Variants in PSTPIP2 observed in about 807,000 individuals in gnomAD.
PSTPIP2 encodes proline-serine-threonine phosphatase interacting protein 2.
A neutral mutation model predicts 63.3 loss-of-function variants in PSTPIP2; 33 were observed. The ratio of observed to expected loss-of-function variants is 0.52; its 90% CI spans 0.40 to 0.70. The LOEUF is 0.70. Ranked by LOEUF, PSTPIP2 falls within the 30% of genes least tolerant of loss-of-function variation. The probability of loss-of-function intolerance (pLI) is 0.00; values close to 1 mark genes in which losing one functional copy is unlikely to be tolerated. For synonymous variants in PSTPIP2, 125 were observed against 132.7 expected, an observed-to-expected ratio of 0.94 and a Z score of 0.40; for missense variants, 312 against 400.7, an observed-to-expected ratio of 0.78 and a Z score of 1.89.
chr18:46,004,397 A>G (rs2051702971), intron 6 of PSTPIP2, among the ~76,000 whole-genome samples: 1 of 152,262 alleles, frequency 6.6e-6, no homozygotes, highest in South Asian at 2.1e-4. Context: ...CAACAGATAC[A>G]TAAAAGCTAG....
chr18:46,057,772 C>T (rs775365930), intron 1 of PSTPIP2, among the ~76,000 whole-genome samples: 31 of 151,920 alleles, frequency 2.0e-4, no homozygotes, highest in Admixed American at 1.9e-3. Flanking sequence ...CCGAGGCAGG[C>T]GGATCGTGAG....
At chr18:46,014,685 G>T (rs1215695899) in intron 4 of PSTPIP2, among the ~76,000 whole-genome samples, 1 of 152,082 alleles carries the variant, frequency 6.6e-6, no homozygotes, top group Non-Finnish European at 1.5e-5. Flanking sequence ...ACTCCAGCTT[G>T]GGTGACAGAG....
intron 1 of PSTPIP2, among the ~76,000 whole-genome samples, chr18:46,063,624 C>T (rs796809332): frequency 2.0e-4 from 30 of 151,974 alleles, no homozygotes; most frequent in African/African-American, 7.0e-4. Flanking sequence ...TACACACACA[C>T]ACACACACAC....
chr18:46,021,791 C>CA (rs1236309731), intron 3 of PSTPIP2, among the ~76,000 whole-genome samples: 1 of 102,490 alleles, frequency 9.8e-6, no homozygotes, highest in Non-Finnish European at 1.8e-5. Flanking sequence ...ACTAAAAATA[C>CA]AAAAAATTAG....
rs554685332 is a variant in PSTPIP2, at chr18:45,993,034, C to T, written c.741+571G>A. Among the ~76,000 whole-genome samples the T allele has an allele frequency of 4.6e-5, 7 of 152,238 alleles. No homozygotes were observed. The South Asian group carries it at 1.5e-3, about 32-fold the overall frequency. ...AGCCACCGTGCCCAGCCTACATTTACTATTAATTTTTTAAAGATGACAGAA... is the reference window on the plus strand; with the variant it reads ...AGCCACCGTGCCCAGCCTACATTTATTATTAATTTTTTAAAGATGACAGAA... On this transcript the variant is annotated intron_variant, in intron 10 of 14. Coordinates refer to ENST00000409746, the MANE Select transcript of PSTPIP2 (RefSeq NM_024430.4).
At chr18:46,038,505 G>C (rs1172801080) in intron 2 of PSTPIP2, among the ~76,000 whole-genome samples, 1 of 152,128 alleles carries the variant, frequency 6.6e-6, no homozygotes, top group East Asian at 1.9e-4. Flanking sequence ...GGGAGGAACA[G>C]AAAAAAGCAG....
In PSTPIP2 at chr18:46,040,010, ATGT is replaced by A. The variant is rs1394279169; in HGVS notation, c.68_70del (p.Asn23del). The A allele has an allele frequency of 6.2e-7, 1 of 1,613,182 alleles. No homozygotes were observed. Among genetic ancestry groups the A allele is most frequent in the Non-Finnish European group, 8.5e-7 (1 of 1,179,570 alleles). ...GCGGCCATTGTTCAGATGTTGGATAATGTTGTCATAGCCGATGGTGCTGAGGAT... is the reference window on the plus strand; with the variant it reads ...GCGGCCATTGTTCAGATGTTGGATAATGTCATAGCCGATGGTGCTGAGGAT... On this transcript the variant is annotated inframe_deletion, in exon 2 of 15. Coordinates refer to ENST00000409746, the MANE Select transcript of PSTPIP2 (RefSeq NM_024430.4).
chr18:46,061,396 A>C (rs968479074), intron 1 of PSTPIP2, among the ~76,000 whole-genome samples: 1 of 152,182 alleles, frequency 6.6e-6, no homozygotes, highest in Non-Finnish European at 1.5e-5. Context: ...CAAAGGAAGC[A>C]GATGAGATGG....
intron 2 of PSTPIP2, among the ~76,000 whole-genome samples, chr18:46,032,786 AAAG>A (rs1259423437): frequency 2.6e-5 from 4 of 151,540 alleles, no homozygotes; most frequent in African/African-American, 4.8e-5. Context: ...GGAAAAGAAA[AAAG>A]AAAAGGAAAG....
intron 1 of PSTPIP2, among the ~76,000 whole-genome samples, chr18:46,071,121 G>A (rs1175408249): frequency 6.6e-6 from 1 of 152,108 alleles, no homozygotes; most frequent in African/African-American, 2.4e-5. Context: ...GGGACTCACA[G>A]GCACAGTCTC....
intron 1 of PSTPIP2, among the ~76,000 whole-genome samples, chr18:46,063,932 C>T (rs1053783071): frequency 6.6e-6 from 1 of 152,194 alleles, no homozygotes; most frequent in African/African-American, 2.4e-5. Context: ...CCTGGTTCTA[C>T]ATATCAAAAG....
In PSTPIP2 at chr18:46,040,000, A is replaced by T; in HGVS notation, c.81T>A (p.His27Gln). The T allele has an allele frequency of 6.2e-7, 1 of 1,613,378 alleles. No homozygotes were observed. The highest frequency in any genetic ancestry group is 8.5e-7 in the Non-Finnish European group (1 of 1,179,628). ...TGCAGTTCTTGCGGCCATTGTTCAG[A>T]TGTTGGATAATGTTGTCATAGCCGA... ...STIGYDNIIQ[H>Q]LNNGRKNCKE... is the part of the protein sequence containing the mutation. Residue 27 changes from histidine to glutamine, a missense_variant, in exon 2 of 15, where the codon CAT becomes CAA. Physicochemically the swap from His to Gln is conservative, Grantham distance 24. Transcript: ENST00000409746.
intron 5 of PSTPIP2, 132 bp from the exon 6 acceptor site, chr18:46,005,663 A>G: frequency 1.4e-6 from 1 of 736,932 alleles, no homozygotes; most frequent in South Asian, 2.0e-5. Context: ...CAATCTTCAG[A>G]GAAAAGAGAC....
At chr18:46,057,193 C>A (rs184425366) in intron 1 of PSTPIP2, among the ~76,000 whole-genome samples, 4 of 152,154 alleles carry the variant, frequency 2.6e-5, no homozygotes, top group East Asian at 3.8e-4. Flanking sequence ...GCTCTGCCTG[C>A]GTCCCACTCA....
At chr18:46,008,004 T>C (rs1027267327) in intron 5 of PSTPIP2, among the ~76,000 whole-genome samples, 2 of 152,224 alleles carry the variant, frequency 1.3e-5, no homozygotes, top group Admixed American at 6.5e-5. Context: ...TATTCACTTA[T>C]GGGGTGACAT....
chr18:46,009,362 TAAA>T (rs749693553), intron 5 of PSTPIP2, among the ~76,000 whole-genome samples: 2 of 46,816 alleles, frequency 4.3e-5, no homozygotes, highest in East Asian at 5.6e-4. Context: ...TTTTATGGTG[TAAA>T]AAAAAAAAAA....
At chr18:46,024,497 T>A (rs950394441) in intron 3 of PSTPIP2, 112 bp downstream of exon 3, 22 of 868,142 alleles carry the variant, frequency 2.5e-5, no homozygotes, top group Admixed American at 6.4e-5. Flanking sequence ...TCCAAAAAAA[T>A]TTTTTTTTCA....
In PSTPIP2 at chr18:46,011,392, G is replaced by C. The variant is rs796144520; in HGVS notation, c.248-105C>G. On this transcript the variant is annotated intron_variant, in intron 4 of 14. Coordinates refer to ENST00000409746, the MANE Select transcript of PSTPIP2 (RefSeq NM_024430.4). ...GTATATACAAAATACTGGAGTAAGT[G>C]GTAAAATCAACATCACTTCATTTGG... 6.7e-5 allele frequency: 61 copies of C among 907,646 alleles called. No homozygotes were observed. The African/African-American group carries it at 9.9e-4, about 15-fold the overall frequency. 56.2% of individuals were successfully genotyped at this position (907,646 alleles called of 1,614,324 possible).
intron 3 of PSTPIP2, among the ~76,000 whole-genome samples, chr18:46,020,249 C>T (rs1426963747): frequency 1.3e-5 from 2 of 152,210 alleles, no homozygotes; most frequent in African/African-American, 2.4e-5. Flanking sequence ...GGAAACTATT[C>T]TACAACTCTT....
Sources: gnomAD v4.1 joint callset for allele counts (sites outside exome capture counted in the v4.1 genomes callset) on GRCh38, gnomAD v4.1.1 for gene constraint, MANE v1.5 for transcripts, NCBI Gene and HGNC (gene_info 2026-07-23, HGNC 2026-07-21) for gene names.